The following CDH12 variants were observed in gnomAD, a reference collection of about 807,000 sequenced individuals.
CDH12 encodes cadherin 12.
In CDH12, 41 loss-of-function variants were observed where a neutral mutation model predicts 74.1. That is an observed-to-expected ratio of 0.55 (90% CI 0.43 to 0.72). The LOEUF (loss-of-function observed/expected upper bound fraction) is 0.72. CDH12 is among the 30% of genes least tolerant of loss of function. The probability of loss-of-function intolerance (pLI) is 0.00; values close to 1 mark genes in which losing one functional copy is unlikely to be tolerated. For synonymous variants in CDH12, 399 were observed against 355.0 expected (o/e 1.12, Z -1.39); for missense variants, 945 against 977.2 (o/e 0.97, Z 0.44).
chr5:22,038,136 C>G (rs1739313017), intron 5 of CDH12, among the ~76,000 whole-genome samples: 1 of 152,136 alleles, frequency 6.6e-6, no homozygotes, highest in Non-Finnish European at 1.5e-5. Flanking sequence ...TACTGTACTA[C>G]ACCCCTTTGG....
chr5:22,587,527 C>T (rs548530034), intron 1 of CDH12, among the ~76,000 whole-genome samples: 118 of 152,282 alleles, frequency 7.7e-4, no homozygotes, highest in African/African-American at 2.8e-3. Flanking sequence ...TGTTCAACAG[C>T]CTATGCTACA....
chr5:22,678,351 A>C (rs1580879039), intron 1 of CDH12, among the ~76,000 whole-genome samples: 1 of 152,280 alleles, frequency 6.6e-6, no homozygotes, highest in Middle Eastern at 3.4e-3. Context: ...AAAACCACAG[A>C]AATAATAAAC....
intron 6 of CDH12, among the ~76,000 whole-genome samples, chr5:21,924,440 C>T (rs557410999): frequency 2.1e-4 from 32 of 152,216 alleles, no homozygotes; most frequent in African/African-American, 7.0e-4. Context: ...CGCCTCCACT[C>T]AGGAGGCGGA....
At chr5:22,503,129 T>C (rs988299379) in intron 2 of CDH12, among the ~76,000 whole-genome samples, 1 of 152,120 alleles carries the variant, frequency 6.6e-6, no homozygotes, top group African/African-American at 2.4e-5. Flanking sequence ...CATCTAACCA[T>C]ATGAAAGAAG....
chr5:22,011,948 A>G (rs1159495124), intron 5 of CDH12, among the ~76,000 whole-genome samples: 1 of 152,120 alleles, frequency 6.6e-6, no homozygotes, highest in Non-Finnish European at 1.5e-5. Context: ...TTATTTATTA[A>G]AAACTACTAC....
intron 1 of CDH12, among the ~76,000 whole-genome samples, chr5:22,704,587 A>T (rs1424974393): frequency 6.6e-6 from 1 of 152,164 alleles, no homozygotes; most frequent in African/African-American, 2.4e-5. Context: ...AGCTGATAAA[A>T]AATCTGTTGA....
intron 3 of CDH12, among the ~76,000 whole-genome samples, chr5:22,343,655 T>C (rs574576446): frequency 2.2e-4 from 33 of 152,144 alleles, no homozygotes; most frequent in African/African-American, 6.5e-4. Flanking sequence ...CCTGACCTCA[T>C]GATCTGCCTG....
intron 1 of CDH12, among the ~76,000 whole-genome samples, chr5:22,836,220 TCTC>T (rs375207600): frequency 5.3e-5 from 4 of 75,840 alleles, no homozygotes; most frequent in Non-Finnish European, 7.5e-5. Context: ...TTTCTTTCTT[TCTC>T]TTTTTTTTTT....
At chr5:22,788,517 A>C (rs917463607) in intron 1 of CDH12, among the ~76,000 whole-genome samples, 2 of 149,356 alleles carry the variant, frequency 1.3e-5, no homozygotes, top group African/African-American at 4.9e-5. Flanking sequence ...ATTCTTTATA[A>C]TATAAAAATT....
At position 22,153,198 on chromosome 5, in the gene CDH12, T is replaced by C. The variant is rs1265840549; in HGVS notation, c.-187+59300A>G. Among the ~76,000 whole-genome samples, 7 of 150,870 alleles carry C rather than the reference T, an allele frequency of 4.6e-5. No individual in the cohort carries two copies. In the East Asian group the frequency reaches 7.7e-4, roughly 17 times the overall value. On this transcript the variant is annotated intron_variant, in intron 4 of 14. Coordinates refer to ENST00000382254, the MANE Select transcript of CDH12 (RefSeq NM_004061.5). ...TTTTTCTTTTCTTTTTTTTTTTTTT[T>C]AGAAACCTCCATACTGTTTTCCACA... is the stretch of plus-strand genomic sequence containing the variant.
At chr5:22,068,842 T>C (rs1741742447) in intron 5 of CDH12, among the ~76,000 whole-genome samples, 1 of 152,212 alleles carries the variant, frequency 6.6e-6, no homozygotes, top group South Asian at 2.1e-4. Context: ...GGGGCCATGT[T>C]GGCATGAGAC....
chr5:22,088,453 G>A (rs765289462), intron 4 of CDH12, among the ~76,000 whole-genome samples: 27 of 151,968 alleles, frequency 1.8e-4, no homozygotes, highest in Non-Finnish European at 3.4e-4. Context: ...TTCCACATTC[G>A]TAGGGGTAAA....
At chr5:22,269,991 C>T (rs1736312418) in intron 3 of CDH12, among the ~76,000 whole-genome samples, 1 of 152,100 alleles carries the variant, frequency 6.6e-6, no homozygotes. Flanking sequence ...TGGATAATTA[C>T]ATACATATTA....
intron 5 of CDH12, among the ~76,000 whole-genome samples, chr5:22,030,560 T>C (rs1738747895): frequency 6.6e-6 from 1 of 152,210 alleles, no homozygotes; most frequent in African/African-American, 2.4e-5. Context: ...TGTTGTTTCA[T>C]TTATATAGCA....
At chr5:22,416,759 G>A (rs1743409905) in intron 2 of CDH12, among the ~76,000 whole-genome samples, 1 of 152,130 alleles carries the variant, frequency 6.6e-6, no homozygotes, top group Non-Finnish European at 1.5e-5. Flanking sequence ...TCATAGCAAG[G>A]ACCCAAATAA....
intron 1 of CDH12, among the ~76,000 whole-genome samples, chr5:22,693,652 T>C (rs1296343699): frequency 6.6e-6 from 1 of 152,202 alleles, no homozygotes; most frequent in Non-Finnish European, 1.5e-5. Context: ...ATAATGTATA[T>C]ACATTTCTAT....
intron 1 of CDH12, among the ~76,000 whole-genome samples, chr5:22,810,644 A>AG (rs1421143837): frequency 1.3e-5 from 2 of 152,148 alleles, no homozygotes; most frequent in Non-Finnish European, 2.9e-5. Flanking sequence ...TGGAAGGCTG[A>AG]GGGGGAAGAA....
chr5:22,202,692 C>A (rs1252206241), intron 4 of CDH12, among the ~76,000 whole-genome samples: 4 of 152,132 alleles, frequency 2.6e-5, no homozygotes, highest in Admixed American at 6.5e-5. Context: ...CATCCATATT[C>A]TTCACTTTTC....
At chr5:22,166,602 C>A (rs1046000455) in intron 4 of CDH12, among the ~76,000 whole-genome samples, 9 of 152,234 alleles carry the variant, frequency 5.9e-5, no homozygotes, top group African/African-American at 1.9e-4. Flanking sequence ...AATGCACTGC[C>A]AGTTTCTTAT....
Sources: allele counts gnomAD v4.1 joint callset (sites outside exome capture counted in the v4.1 genomes callset), GRCh38; gene constraint gnomAD v4.1.1; transcripts MANE v1.5; gene names NCBI Gene and HGNC (gene_info 2026-07-23, HGNC 2026-07-21).